TCF4: variants seen among roughly 807,000 people sequenced by gnomAD.
TCF4 encodes the protein SL3-3 enhancer factor 2.
A neutral mutation model predicts 82.1 loss-of-function variants in TCF4; 3 were observed. The observed-to-expected ratio is 0.04, with a 90% CI of 0.02 to 0.09. The LOEUF (loss-of-function observed/expected upper bound fraction) is 0.09. Among genes scored for constraint, TCF4 ranks in the 10% least tolerant of loss-of-function variants. The probability of loss-of-function intolerance (pLI) is 1.00; values close to 1 mark genes in which losing one functional copy is unlikely to be tolerated. For synonymous variants in TCF4, 276 were observed against 309.6 expected (o/e 0.89, Z 1.14); for missense variants, 518 against 852.7 (o/e 0.61, Z 4.89).
chr18:55,571,921 C>T (rs1244421996), intron 3 of TCF4, among the ~76,000 whole-genome samples: 1 of 149,310 alleles, frequency 6.7e-6, no homozygotes, highest in East Asian at 1.9e-4. Flanking sequence ...CTCTCTGTGT[C>T]CCTCCCAAAA....
At chr18:55,283,945 G>A (rs1477297328) in intron 8 of TCF4, among the ~76,000 whole-genome samples, 1 of 152,134 alleles carries the variant, frequency 6.6e-6, no homozygotes, top group East Asian at 1.9e-4. Context: ...AAGGGGTAAA[G>A]CAAGGATGTG....
intron 8 of TCF4, among the ~76,000 whole-genome samples, chr18:55,326,824 G>A (rs1032580682): frequency 1.6e-4 from 24 of 152,186 alleles, no homozygotes; most frequent in African/African-American, 5.1e-4. Flanking sequence ...TGTTTAGTTA[G>A]TAGATGCATA....
At chr18:55,539,628 G>T (rs1275271305) in intron 3 of TCF4, among the ~76,000 whole-genome samples, 1 of 152,046 alleles carries the variant, frequency 6.6e-6, no homozygotes, top group African/African-American at 2.4e-5. Context: ...TATCCACTGT[G>T]GACAAGTCAG....
intron 10 of TCF4, among the ~76,000 whole-genome samples, chr18:55,273,730 T>C (rs1479075540): frequency 1.3e-5 from 2 of 152,148 alleles, no homozygotes; most frequent in Non-Finnish European, 2.9e-5. Context: ...TAAATGGCAT[T>C]GCAAATATGG....
chr18:55,449,215 T>C (rs1031098897), intron 5 of TCF4, among the ~76,000 whole-genome samples: 16 of 152,116 alleles, frequency 1.1e-4, no homozygotes, highest in Admixed American at 9.2e-4. Flanking sequence ...GGTTTTTTTT[T>C]CCTGGTTTTT....
chr18:55,422,225 G>A, intron 5 of TCF4: 1 of 981,952 alleles, frequency 1.0e-6, no homozygotes, highest in Non-Finnish European at 1.2e-6. Context: ...GGCACCAGAA[G>A]ATCTAAGCCC....
At chr18:55,588,403 G>GAAA, upstream of TCF4, 1 of 1,209,246 alleles carries the variant, frequency 8.3e-7, no homozygotes, top group Admixed American at 2.4e-5. Flanking sequence ...ACCCCGAGGG[G>GAAA]AAAAAAAAAA....
At chr18:55,390,710 A>T (rs1408599555) in intron 6 of TCF4, among the ~76,000 whole-genome samples, 1 of 152,206 alleles carries the variant, frequency 6.6e-6, no homozygotes, top group Non-Finnish European at 1.5e-5. Context: ...TAGTACAATT[A>T]CCTAAATCAT....
chr18:55,352,342 T>G (rs1031676560), intron 6 of TCF4, among the ~76,000 whole-genome samples: 2 of 152,104 alleles, frequency 1.3e-5, no homozygotes, highest in Non-Finnish European at 2.9e-5. Context: ...TCCACCGCCA[T>G]ATAGCTAAAT....
rs887944518 is a variant in TCF4, at chr18:55,247,240, T to C, written c.1350+7257A>G. On this transcript the variant is annotated intron_variant, in intron 15 of 19. Transcript: ENST00000354452. ...TGGTCAATCCCCTCCCCTGAAAATA[T>C]TGTATTGGTGGCTTTGATGTGGGCA... 5.3e-5 allele frequency among the ~76,000 whole-genome samples: 8 copies of C among 152,186 alleles called. No homozygotes were observed. The East Asian group carries it at 5.8e-4, about 11-fold the overall frequency.
chr18:55,509,729 T>C (rs2096803939), intron 3 of TCF4, among the ~76,000 whole-genome samples: 1 of 152,122 alleles, frequency 6.6e-6, no homozygotes, highest in Non-Finnish European at 1.5e-5. Flanking sequence ...AGAAGCACCT[T>C]TAGACCCTCA....
chr18:55,571,220 A>G (rs2097463347), intron 3 of TCF4, among the ~76,000 whole-genome samples: 1 of 152,228 alleles, frequency 6.6e-6, no homozygotes, highest in Non-Finnish European at 1.5e-5. Context: ...CCTATTCATC[A>G]GCAGAGAAAA....
chr18:55,598,504 T>G (rs1476104665), intron 2 of TCF4, among the ~76,000 whole-genome samples: 1 of 152,194 alleles, frequency 6.6e-6, no homozygotes, highest in Non-Finnish European at 1.5e-5. Context: ...ACCATTAGGA[T>G]GATCACATGG....
intron 3 of TCF4, among the ~76,000 whole-genome samples, chr18:55,487,521 G>C (rs1373852433): frequency 6.6e-6 from 1 of 152,016 alleles, no homozygotes; most frequent in East Asian, 1.9e-4. Context: ...GTCACAAAAA[G>C]AAAACAGAAC....
intron 3 of TCF4, among the ~76,000 whole-genome samples, chr18:55,524,387 G>A (rs1020427203): frequency 1.3e-5 from 2 of 151,886 alleles, no homozygotes; most frequent in Admixed American, 6.6e-5. Context: ...GAGTTAACTA[G>A]GTCAGAAGTA....
At chr18:55,424,100 C>T (rs1415994246) in intron 5 of TCF4, among the ~76,000 whole-genome samples, 1 of 152,118 alleles carries the variant, frequency 6.6e-6, no homozygotes, top group Non-Finnish European at 1.5e-5. Flanking sequence ...AACTGTCTGC[C>T]ATTAGAAATA....
chr18:55,352,067 CT>C, intron 6 of TCF4: 1 of 271,418 alleles, frequency 3.7e-6, no homozygotes, highest in East Asian at 1.8e-4. Context: ...TCACAACAGA[CT>C]TAGGGATGCT....
At chr18:55,528,932 C>G (rs190802157) in intron 3 of TCF4, among the ~76,000 whole-genome samples, 38 of 152,312 alleles carry the variant, frequency 2.5e-4, no homozygotes, top group African/African-American at 8.7e-4. Flanking sequence ...AATCCCAGTA[C>G]TTCGGGAGGC....
intron 6 of TCF4, among the ~76,000 whole-genome samples, chr18:55,355,034 G>A (rs2083165199): frequency 6.6e-6 from 1 of 152,158 alleles, no homozygotes; most frequent in Admixed American, 6.6e-5. Flanking sequence ...AAATGCTTGT[G>A]AGTCTAATTC....
Sources: allele counts gnomAD v4.1 joint callset (sites outside exome capture counted in the v4.1 genomes callset), GRCh38; gene constraint gnomAD v4.1.1; transcripts MANE v1.5; gene names NCBI Gene and HGNC (gene_info 2026-07-23, HGNC 2026-07-21).